The following CA1 variants were observed in gnomAD, a reference collection of about 807,000 sequenced individuals.
CA1 encodes the protein carbonate dehydratase I.
CA1 carries 27 observed loss-of-function variants against 28.8 expected under a neutral mutation model. The observed-to-expected ratio is 0.94, with a 90% CI of 0.69 to 1.29. The LOEUF is 1.29. Ranked by LOEUF, CA1 falls within the 50% of genes most tolerant of loss-of-function variation. The pLI is 0.00. For missense variants in CA1, 335 were observed against 310.5 expected (o/e 1.08, Z -0.59); for synonymous variants, 121 against 108.8 (o/e 1.11, Z -0.70).
chr8:85,356,867 T>A (rs1306391425), intron 1 of CA1, among the ~76,000 whole-genome samples: 1 of 152,192 alleles, frequency 6.6e-6, no homozygotes, highest in Non-Finnish European at 1.5e-5. Context: ...CCTCAACCCT[T>A]AAAAACTTTG....
intron 3 of CA1, chr8:85,337,900 G>GA: frequency 2.7e-6 from 1 of 375,272 alleles, no homozygotes; most frequent in South Asian, 2.2e-5. Context: ...ATCCCAATTA[G>GA]AAAATATTTT....
At chr8:85,334,103 C>T (rs145776186) in intron 4 of CA1, among the ~76,000 whole-genome samples, 130 of 152,334 alleles carry the variant, frequency 8.5e-4, no homozygotes, top group African/African-American at 2.9e-3. Flanking sequence ...AACGTCTCTG[C>T]AAACTCTAGA....
intron 1 of CA1, among the ~76,000 whole-genome samples, chr8:85,353,965 T>C (rs1009460340): frequency 2.0e-5 from 3 of 152,178 alleles, no homozygotes; most frequent in Middle Eastern, 3.4e-3. Flanking sequence ...CATACTTTTT[T>C]TTTTCTTTTC....
At position 85,341,631 on chromosome 8, in the gene CA1, G is replaced by C; in HGVS notation, c.5C>G (p.Ala2Gly). The change falls in exon 2 of 8, where the codon GCA (alanine) becomes GGA (glycine). Residue 2 changes from alanine (A) to glycine (G), a missense_variant. Coordinates refer to ENST00000523022, the MANE Select transcript of CA1 (RefSeq NM_001128831.4). Reference protein sequence around the residue: MASPDWGYDDKN... With the variant: MGSPDWGYDDKN... ...GTCATCATATCCCCAGTCTGGACTT[G>C]CCATTATCTTCTACTGAGTTTTCTT... 1 of 1,594,138 alleles carries C rather than the reference G, an allele frequency of 6.3e-7. No homozygotes were observed.
chr8:85,372,271 G>T, intron 1 of CA1, among the ~76,000 whole-genome samples: 1 of 152,028 alleles, frequency 6.6e-6, no homozygotes, highest in South Asian at 2.1e-4. Flanking sequence ...TCATCAGACG[G>T]CTACTATGAA....
chr8:85,356,483 T>C (rs1221353834), intron 1 of CA1, among the ~76,000 whole-genome samples: 3 of 152,154 alleles, frequency 2.0e-5, no homozygotes, highest in Non-Finnish European at 4.4e-5. Flanking sequence ...GTACTCTTAT[T>C]ATAATTATTT....
chr8:85,330,163 G>A (rs1429350119), intron 6 of CA1, among the ~76,000 whole-genome samples: 2 of 151,976 alleles, frequency 1.3e-5, no homozygotes, highest in East Asian at 1.9e-4. Context: ...TTAATTTCTA[G>A]TATAAAGCTT....
chr8:85,346,072 C>A (rs1319403170), intron 1 of CA1, among the ~76,000 whole-genome samples: 5 of 152,028 alleles, frequency 3.3e-5, no homozygotes, highest in African/African-American at 7.2e-5. Context: ...TATTAACAAC[C>A]AAGTCAACTC....
chr8:85,329,682 A>C lies in CA1; in HGVS notation c.669+7T>G. 1 of 1,608,968 alleles carries C rather than the reference A, an allele frequency of 6.2e-7. No individual in the cohort carries two copies. The highest frequency in any genetic ancestry group is 8.5e-7 in the Non-Finnish European group (1 of 1,176,802). On this transcript the variant is annotated splice_region_variant and intron_variant, in intron 7 of 7. Coordinates refer to ENST00000523022, the MANE Select transcript of CA1 (RefSeq NM_001128831.4). ...CATTCCCAGTTCCCATTCATTCACA[A>C]CTCTACCTGCTCTGAGCTGACACTG...
chr8:85,365,172 T>C (rs1809957123), intron 1 of CA1, among the ~76,000 whole-genome samples: 2 of 152,230 alleles, frequency 1.3e-5, no homozygotes, highest in South Asian at 2.1e-4. Context: ...AATTGAGTTA[T>C]AATACCTGCT....
At chr8:85,361,423 TC>T in intron 1 of CA1, among the ~76,000 whole-genome samples, 1 of 152,172 alleles carries the variant, frequency 6.6e-6, no homozygotes, top group East Asian at 1.9e-4. Flanking sequence ...ACACCTGTAA[TC>T]TCAGCACTTT....
intron 7 of CA1, 116 bp from the exon 8 acceptor site, chr8:85,328,792 A>G: frequency 4.9e-6 from 3 of 615,398 alleles, no homozygotes; most frequent in Non-Finnish European, 8.7e-6. Flanking sequence ...TTGCAGTAAT[A>G]TCACTAATAG....
intron 1 of CA1, among the ~76,000 whole-genome samples, chr8:85,352,513 T>C (rs1027817952): frequency 5.3e-5 from 8 of 152,106 alleles, no homozygotes; most frequent in Non-Finnish European, 8.8e-5. Context: ...GCAACTCAGC[T>C]CTCTGGACCT....
chr8:85,353,233 C>T (rs1393763084), intron 1 of CA1, among the ~76,000 whole-genome samples: 1 of 152,208 alleles, frequency 6.6e-6, no homozygotes, highest in Non-Finnish European at 1.5e-5. Context: ...ACTTGGGTAG[C>T]ATTTGCATCT....
At chr8:85,338,193 T>G (rs1269561741) in intron 3 of CA1, 59 bp downstream of exon 3, 1 of 1,370,722 alleles carries the variant, frequency 7.3e-7, no homozygotes, top group Non-Finnish European at 1.0e-6. Context: ...CGAGCACTAT[T>G]TTTTAAATTT....
chr8:85,351,222 G>A (rs1192013184), intron 1 of CA1, among the ~76,000 whole-genome samples: 1 of 152,220 alleles, frequency 6.6e-6, no homozygotes, highest in African/African-American at 2.4e-5. Flanking sequence ...GACTGTTTAT[G>A]TAGTGGCTTT....
At chr8:85,354,653 C>A (rs1167187804) in intron 1 of CA1, among the ~76,000 whole-genome samples, 1 of 152,096 alleles carries the variant, frequency 6.6e-6, no homozygotes, top group African/African-American at 2.4e-5. Context: ...AGGCGGGGAA[C>A]CAGCTTCTGA....
intron 7 of CA1, among the ~76,000 whole-genome samples, chr8:85,329,027 T>G (rs1368812574): frequency 6.6e-6 from 1 of 152,180 alleles, no homozygotes; most frequent in African/African-American, 2.4e-5. Flanking sequence ...TTAGTTTCCA[T>G]AAGTACTTAC....
intron 1 of CA1, among the ~76,000 whole-genome samples, chr8:85,368,241 C>T (rs1046512746): frequency 2.0e-5 from 3 of 152,012 alleles, no homozygotes; most frequent in African/African-American, 7.2e-5. Context: ...AATCTTGGCT[C>T]ACCACAAACT....
Sources: gnomAD v4.1 joint callset for allele counts (sites outside exome capture counted in the v4.1 genomes callset) on GRCh38, gnomAD v4.1.1 for gene constraint, MANE v1.5 for transcripts, NCBI Gene and HGNC (gene_info 2026-07-23, HGNC 2026-07-21) for gene names.